DNAJB6: variants seen among roughly 807,000 people sequenced by gnomAD.
DNAJB6 encodes DnaJ heat shock protein family (Hsp40) member B6.
DNAJB6 carries 16 observed loss-of-function variants against 42.7 expected under a neutral mutation model. The observed-to-expected ratio is 0.37, with a 90% CI of 0.25 to 0.57. The LOEUF is 0.57. Ranked by LOEUF, DNAJB6 falls within the 20% of genes least tolerant of loss-of-function variation. The probability of loss-of-function intolerance (pLI) is 0.74; values close to 1 mark genes in which losing one functional copy is unlikely to be tolerated. For missense variants in DNAJB6, 347 were observed against 416.8 expected (o/e 0.83, Z 1.46); for synonymous variants, 170 against 163.5 (o/e 1.04, Z -0.30).
chr7:157,340,242 C>G (rs1455240961), intron 1 of DNAJB6, among the ~76,000 whole-genome samples: 1 of 152,188 alleles, frequency 6.6e-6, no homozygotes, highest in African/African-American at 2.4e-5. Flanking sequence ...TTCATTTCCT[C>G]AGAAATGATT....
chr7:157,392,655 C>A (rs757305362), intron 8 of DNAJB6, among the ~76,000 whole-genome samples: 14 of 152,182 alleles, frequency 9.2e-5, no homozygotes, highest in African/African-American at 3.4e-4. Flanking sequence ...TCCTTTCCAG[C>A]TCGTTTCTAG....
chr7:157,409,849 CCCTGCCAGCCCAG>C lies in DNAJB6; in HGVS notation c.753_765del (p.Gln253SerfsTer13), dbSNP rs1487133645. On this transcript the variant is annotated frameshift_variant, in exon 9 of 10. Transcript: ENST00000262177. LOFTEE classifies it high-confidence loss of function. ...GAGCGCATGCGGAGAGGCCAGAACG[CCCTGCCAGCCCAG>C]CCTGCCGGCCTCCGCCCGCCGAAGC... The C allele has an allele frequency of 1.3e-6, 2 of 1,533,620 alleles. No homozygotes were observed. The highest frequency in any genetic ancestry group is 1.4e-5 in the African/African-American group (1 of 73,036).
chr7:157,343,168 T>G (rs866811023), intron 1 of DNAJB6, among the ~76,000 whole-genome samples: 49 of 152,018 alleles, frequency 3.2e-4, no homozygotes, highest in Admixed American at 9.2e-4. Context: ...GGTAATTTTT[T>G]TTTTTTTTTT....
At chr7:157,406,378 G>A (rs931072923) in intron 8 of DNAJB6, among the ~76,000 whole-genome samples, 1 of 152,218 alleles carries the variant, frequency 6.6e-6, no homozygotes, top group African/African-American at 2.4e-5. Flanking sequence ...GGAACCTTGG[G>A]GAGTCCCTTG....
At chr7:157,390,539 G>T (rs1480886925) in intron 8 of DNAJB6, among the ~76,000 whole-genome samples, 4 of 152,198 alleles carry the variant, frequency 2.6e-5, no homozygotes, top group Non-Finnish European at 5.9e-5. Flanking sequence ...CATAGAGACC[G>T]GAGGTTTTCT....
At chr7:157,345,602 G>A (rs1402924286) in intron 1 of DNAJB6, among the ~76,000 whole-genome samples, 1 of 152,134 alleles carries the variant, frequency 6.6e-6, no homozygotes, top group Non-Finnish European at 1.5e-5. Context: ...TGTCTTTGCT[G>A]TCTAGAAGCT....
chr7:157,374,066 G>A (rs954828811), intron 5 of DNAJB6, among the ~76,000 whole-genome samples: 14 of 152,110 alleles, frequency 9.2e-5, no homozygotes, highest in Non-Finnish European at 2.1e-4. Context: ...GTACGAGACT[G>A]GTTTCCAGCT....
chr7:157,411,440 C>T (rs1310278567), intron 9 of DNAJB6: 1 of 151,668 alleles, frequency 6.6e-6, no homozygotes, highest in African/African-American at 2.4e-5. Context: ...GGGAGGCTCC[C>T]CAGGATCCCT....
At chr7:157,366,601 G>C (rs1299538526) in intron 4 of DNAJB6, 40 bp downstream of exon 4, 1 of 1,578,992 alleles carries the variant, frequency 6.3e-7, no homozygotes, top group Non-Finnish European at 8.7e-7. Flanking sequence ...AAAAGGTCTT[G>C]GCAAGTAAGT....
chr7:157,404,700 G>A (rs557758326), intron 8 of DNAJB6, among the ~76,000 whole-genome samples: 28 of 151,654 alleles, frequency 1.8e-4, no homozygotes, highest in Non-Finnish European at 3.2e-4. Flanking sequence ...TAGTAGAGAC[G>A]GGGTCATGTT....
At chr7:157,415,295 C>T (rs1796082504) in intron 9 of DNAJB6, 1 of 152,256 alleles carries the variant, frequency 6.6e-6, no homozygotes, top group Non-Finnish European at 1.5e-5. Flanking sequence ...ATCAGACGTT[C>T]AGAGGGTGGG....
At chr7:157,356,820 T>C (rs1224140544) in intron 1 of DNAJB6, among the ~76,000 whole-genome samples, 6 of 152,230 alleles carry the variant, frequency 3.9e-5, no homozygotes, top group Non-Finnish European at 7.3e-5. Context: ...TTCCGTATCT[T>C]GTAGTTGGCA....
In DNAJB6 at chr7:157,416,076, A is replaced by C. The variant is rs767898412; in HGVS notation, c.959A>C (p.Lys320Thr). 6.2e-7 allele frequency: 1 copy of C among 1,614,110 alleles called. No homozygotes were observed. Among genetic ancestry groups the C allele is most frequent in the Non-Finnish European group, 8.5e-7 (1 of 1,179,978 alleles). The change falls in exon 10 of 10, where the codon AAG becomes ACG. Residue 320 changes from lysine to threonine, a missense_variant. Transcript: ENST00000262177. ...CAGAGAGAGGAGTCGAAGAAGAAGA[A>C]GTCGACCAAAGGCAATCACTAGACC... is the stretch of plus-strand genomic sequence containing the variant. ...QKQREESKKK[K>T]STKGNH
At chr7:157,366,367 A>G in intron 3 of DNAJB6, 135 bp from the exon 4 acceptor site, 1 of 722,694 alleles carries the variant, frequency 1.4e-6, no homozygotes, top group South Asian at 1.7e-5. Flanking sequence ...TTTGTTTTAA[A>G]GAAAAGGTGG....
chr7:157,411,778 G>C (rs2116669173), intron 9 of DNAJB6: 1 of 152,360 alleles, frequency 6.6e-6, no homozygotes, highest in East Asian at 1.9e-4. Context: ...GTCAGAACTG[G>C]GCGGGTCTTC....
At chr7:157,398,558 C>T (rs899750172) in intron 8 of DNAJB6, among the ~76,000 whole-genome samples, 2 of 152,216 alleles carry the variant, frequency 1.3e-5, no homozygotes, top group African/African-American at 2.4e-5. Flanking sequence ...GCCATGCCCG[C>T]GCGGCAGCTG....
intron 9 of DNAJB6, chr7:157,414,427 G>T (rs1796059309): frequency 6.6e-6 from 1 of 152,290 alleles, no homozygotes; most frequent in African/African-American, 2.4e-5. Flanking sequence ...GCTTCCTCCC[G>T]CTTCCTTTCC....
At chr7:157,340,711 C>G (rs11767122) in intron 1 of DNAJB6, among the ~76,000 whole-genome samples, 83,376 of 152,034 alleles carry the variant, frequency 0.55, 23,228 homozygotes, top group East Asian at 0.76. Context: ...AGTCCTTGCT[C>G]TGTGTCCCAG....
At chr7:157,340,991 T>C (rs375395239) in intron 1 of DNAJB6, among the ~76,000 whole-genome samples, 4,558 of 74,082 alleles carry the variant, frequency 0.062, 172 homozygotes, top group East Asian at 0.27. Context: ...TGTGTGTGTG[T>C]GTGTGTGCGC....
Sources: allele counts gnomAD v4.1 joint callset (sites outside exome capture counted in the v4.1 genomes callset), GRCh38; gene constraint gnomAD v4.1.1; transcripts MANE v1.5; gene names NCBI Gene and HGNC (gene_info 2026-07-23, HGNC 2026-07-21).